Variants in ARHGAP15 observed in about 807,000 individuals in gnomAD.
The protein encoded by ARHGAP15 is rho GTPase-activating protein 15.
In ARHGAP15, 51 loss-of-function variants were observed where a neutral mutation model predicts 63.7. The observed-to-expected ratio is 0.80, with a 90% confidence interval of 0.64 to 1.01. The LOEUF is 1.01. Among genes scored for constraint, ARHGAP15 ranks in the 50% least tolerant of loss-of-function variants. The pLI, the probability that ARHGAP15 is intolerant of heterozygous loss-of-function variation, is 0.00. For synonymous variants in ARHGAP15, 191 were observed against 193.8 expected (o/e 0.99, Z 0.12); for missense variants, 560 against 564.6 (o/e 0.99, Z 0.08).
chr2:143,328,186 G>A (rs1253477701), intron 6 of ARHGAP15, among the ~76,000 whole-genome samples: 1 of 152,162 alleles, frequency 6.6e-6, no homozygotes, highest in Non-Finnish European at 1.5e-5. Context: ...ACAGTGTGAA[G>A]ATTCCTCAAG....
At chr2:143,493,066 A>AAC (rs1559007687) in intron 9 of ARHGAP15, among the ~76,000 whole-genome samples, 1 of 150,122 alleles carries the variant, frequency 6.7e-6, no homozygotes, top group Non-Finnish European at 1.5e-5. Flanking sequence ...TCAAAAAAAA[A>AAC]CAAAAAAAAC....
intron 13 of ARHGAP15, among the ~76,000 whole-genome samples, chr2:143,705,440 G>A (rs931261399): frequency 6.6e-6 from 1 of 152,092 alleles, no homozygotes; most frequent in Non-Finnish European, 1.5e-5. Flanking sequence ...AAGTAAAATC[G>A]GATTAAATAC....
At chr2:143,342,605 C>T (rs1485144763) in intron 6 of ARHGAP15, among the ~76,000 whole-genome samples, 1 of 151,950 alleles carries the variant, frequency 6.6e-6, no homozygotes, top group African/African-American at 2.4e-5. Flanking sequence ...ACTGAAGTTC[C>T]AAAAGGCTAA....
chr2:143,567,449 AT>A (rs1696275216), intron 11 of ARHGAP15, among the ~76,000 whole-genome samples: 1 of 152,218 alleles, frequency 6.6e-6, no homozygotes, highest in Non-Finnish European at 1.5e-5. Flanking sequence ...TATCTTAAGA[AT>A]TTGAGAGTTG....
intron 10 of ARHGAP15, among the ~76,000 whole-genome samples, chr2:143,521,486 T>C (rs966336374): frequency 3.3e-5 from 5 of 152,140 alleles, no homozygotes; most frequent in African/African-American, 1.2e-4. Context: ...CTAAGTCCAA[T>C]GTTTATGCAG....
intron 11 of ARHGAP15, among the ~76,000 whole-genome samples, chr2:143,585,747 A>G (rs1470367554): frequency 6.6e-6 from 1 of 152,176 alleles, no homozygotes; most frequent in Admixed American, 6.5e-5. Flanking sequence ...TTCCTTCCAG[A>G]TAGTCTTCCA....
At chr2:143,459,713 T>C (rs751096224) in intron 8 of ARHGAP15, among the ~76,000 whole-genome samples, 21 of 152,194 alleles carry the variant, frequency 1.4e-4, no homozygotes, top group Non-Finnish European at 1.0e-4. Context: ...ACTAAAAGTC[T>C]GAATTGAAGT....
At chr2:143,131,567 G>A (rs1688916836) in intron 1 of ARHGAP15, among the ~76,000 whole-genome samples, 1 of 152,072 alleles carries the variant, frequency 6.6e-6, no homozygotes, top group Non-Finnish European at 1.5e-5. Flanking sequence ...CCATAGACTT[G>A]GTACCTAGAA....
At chr2:143,246,539 G>A (rs1694052058) in intron 5 of ARHGAP15, among the ~76,000 whole-genome samples, 1 of 151,950 alleles carries the variant, frequency 6.6e-6, no homozygotes, top group African/African-American at 2.4e-5. Context: ...CAAAGGCCCA[G>A]CTGAAGAAGG....
intron 6 of ARHGAP15, among the ~76,000 whole-genome samples, chr2:143,335,443 T>A (rs577352362): frequency 2.0e-5 from 3 of 149,102 alleles, no homozygotes. Context: ...CTAAAGGGTG[T>A]CTGTGGGTAG....
intron 10 of ARHGAP15, among the ~76,000 whole-genome samples, chr2:143,548,627 A>G (rs1012013912): frequency 1.3e-5 from 2 of 152,018 alleles, no homozygotes; most frequent in Admixed American, 6.6e-5. Context: ...CTTATTTTCC[A>G]TATGAATCCC....
intron 6 of ARHGAP15, among the ~76,000 whole-genome samples, chr2:143,369,232 T>C (rs1480815890): frequency 1.3e-5 from 2 of 152,142 alleles, no homozygotes; most frequent in African/African-American, 2.4e-5. Flanking sequence ...CATAATCTAA[T>C]TCAGTGATAC....
chr2:143,234,822 T>G (rs1437032068), intron 5 of ARHGAP15, among the ~76,000 whole-genome samples: 1 of 152,220 alleles, frequency 6.6e-6, no homozygotes, highest in Non-Finnish European at 1.5e-5. Flanking sequence ...AATGCAGTTG[T>G]GTTACTTTGA....
chr2:143,606,360 T>C (rs149594094), intron 11 of ARHGAP15, among the ~76,000 whole-genome samples: 418 of 152,330 alleles, frequency 2.7e-3, no homozygotes, highest in African/African-American at 9.6e-3. Context: ...CCCAGATTGT[T>C]GTGATTCTTA....
intron 12 of ARHGAP15, among the ~76,000 whole-genome samples, chr2:143,632,254 A>T (rs1046193902): frequency 1.3e-5 from 2 of 152,098 alleles, no homozygotes; most frequent in Non-Finnish European, 2.9e-5. Context: ...GATCAAAAAC[A>T]ATTTTATGAT....
chr2:143,596,896 T>G (rs997010575), intron 11 of ARHGAP15, among the ~76,000 whole-genome samples: 4 of 152,162 alleles, frequency 2.6e-5, no homozygotes, highest in African/African-American at 9.6e-5. Context: ...TATCTATGTA[T>G]CTTCACAAAA....
At chr2:143,755,697 C>T (rs1399399504) in intron 13 of ARHGAP15, among the ~76,000 whole-genome samples, 1 of 152,090 alleles carries the variant, frequency 6.6e-6, no homozygotes, top group Non-Finnish European at 1.5e-5. Flanking sequence ...TAAAACTGGC[C>T]AGGTGTGGTG....
intron 6 of ARHGAP15, among the ~76,000 whole-genome samples, chr2:143,262,540 T>C (rs1003036816): frequency 6.9e-6 from 1 of 145,648 alleles, no homozygotes; most frequent in Non-Finnish European, 1.5e-5. Context: ...CTTTGATTTT[T>C]TTTTTTTTTT....
At chr2:143,727,145 G>A (rs966984238) in intron 13 of ARHGAP15, among the ~76,000 whole-genome samples, 1 of 152,166 alleles carries the variant, frequency 6.6e-6, no homozygotes, top group Non-Finnish European at 1.5e-5. Flanking sequence ...CTTAGGATGA[G>A]GTGAGAATAT....
Sources: gnomAD v4.1 joint callset for allele counts (sites outside exome capture counted in the v4.1 genomes callset) on GRCh38, gnomAD v4.1.1 for gene constraint, MANE v1.5 for transcripts, NCBI Gene and HGNC (gene_info 2026-07-23, HGNC 2026-07-21) for gene names.